HMGCLL1: variants seen among roughly 807,000 people sequenced by gnomAD.
The protein encoded by HMGCLL1 is 3-hydroxy-3-methylglutaryl-CoA lyase like 1.
HMGCLL1 carries 36 observed loss-of-function variants against 39.1 expected under a neutral mutation model. That is an observed-to-expected ratio of 0.92 (90% CI 0.71 to 1.22). HMGCLL1 has a LOEUF of 1.22. Among genes scored for constraint, HMGCLL1 ranks in the 50% most tolerant of loss-of-function variants. The pLI is 0.00. For missense variants in HMGCLL1, 451 were observed against 416.5 expected (o/e 1.08, Z -0.72); for synonymous variants, 149 against 144.0 (o/e 1.03, Z -0.25).
chr6:55,646,361 T>C, the HMGCLL1 span, among the ~76,000 whole-genome samples: 4 of 151,776 alleles, frequency 2.6e-5, no homozygotes, highest in African/African-American at 9.7e-5. Context: ...ATTAATCTTT[T>C]ATATTGTTTT....
At chr6:55,459,491 G>A (rs182968776) in intron 7 of HMGCLL1, among the ~76,000 whole-genome samples, 41 of 152,024 alleles carry the variant, frequency 2.7e-4, no homozygotes, top group Admixed American at 1.8e-3. Flanking sequence ...TATAAATAAC[G>A]TCAATGACAG....
chr6:55,548,011 C>T (rs983453065), intron 1 of HMGCLL1, among the ~76,000 whole-genome samples: 51 of 151,934 alleles, frequency 3.4e-4, no homozygotes, highest in African/African-American at 1.2e-3. Context: ...TTTCAGAATA[C>T]CTATGTGCCA....
chr6:55,664,661 G>A, the HMGCLL1 span, among the ~76,000 whole-genome samples: 32 of 151,696 alleles, frequency 2.1e-4, no homozygotes, highest in East Asian at 2.1e-3. Flanking sequence ...AACAATTTCC[G>A]TGGGTCAGGA....
chr6:55,659,907 T>C, the HMGCLL1 span, among the ~76,000 whole-genome samples: 496 of 151,974 alleles, frequency 3.3e-3, 5 homozygotes, highest in Middle Eastern at 0.01. Flanking sequence ...TTTGGACATA[T>C]CATGCTCTGA....
At chr6:55,475,559 C>T (rs1765247763) in intron 7 of HMGCLL1, among the ~76,000 whole-genome samples, 1 of 151,578 alleles carries the variant, frequency 6.6e-6, no homozygotes, top group South Asian at 2.1e-4. Context: ...CAAGCTTGTC[C>T]ATGCCGTAAA....
rs544253645 is a variant in HMGCLL1, at chr6:55,528,030, C to T, written c.298-11427G>A. 2.0e-5 allele frequency among the ~76,000 whole-genome samples: 3 copies of T among 152,036 alleles called. No homozygotes were observed. In the South Asian group the frequency reaches 6.2e-4, roughly 32 times the overall value. On this transcript the variant is annotated intron_variant, in intron 3 of 8. Transcript: ENST00000274901. ...CATGGACCTATAAGCCCTCATTTTT[C>T]CTTTTCACTAATATAGATTGCTAAA... is the stretch of plus-strand genomic sequence containing the variant.
chr6:55,562,343 T>C (rs747792276), intron 1 of HMGCLL1, among the ~76,000 whole-genome samples: 2 of 152,176 alleles, frequency 1.3e-5, no homozygotes, highest in African/African-American at 4.8e-5. Context: ...TATCCTTCTT[T>C]AAGTTTCCAG....
chr6:55,582,763 G>GA (rs1299474844), upstream of HMGCLL1, among the ~76,000 whole-genome samples: 11 of 152,112 alleles, frequency 7.2e-5, no homozygotes, highest in Admixed American at 2.6e-4. Context: ...ATTTCAGAGA[G>GA]AAAAAATTAA....
chr6:55,446,992 T>C lies in HMGCLL1; in HGVS notation c.796-7433A>G, dbSNP rs141879320. On this transcript the variant is annotated intron_variant, in intron 7 of 8. Transcript: ENST00000274901. ...TAAAATTTCTGAAAGTGAAAATTAT[T>C]CATTTTAACATGAATATTCATATAG... Among the ~76,000 whole-genome samples the C allele has an allele frequency of 4.0e-3, 601 of 152,116 alleles. 6 individuals carry two copies. The highest frequency in any genetic ancestry group is 0.012 in the African/African-American group (489 of 41,540).
At chr6:55,625,868 G>A in the HMGCLL1 span, among the ~76,000 whole-genome samples, 15 of 152,242 alleles carry the variant, frequency 9.9e-5, no homozygotes, top group South Asian at 2.1e-4. Flanking sequence ...TGACATTAGC[G>A]AAGGAAGAGT....
chr6:55,628,156 T>TATATATAGTATATATACTATATATA, the HMGCLL1 span, among the ~76,000 whole-genome samples: 1 of 17,464 alleles, frequency 5.7e-5, no homozygotes, highest in Non-Finnish European at 9.5e-5. Context: ...ATATATATAA[T>TATATATAGTATATATACTATATATA]ATATATATAG....
intron 1 of HMGCLL1, among the ~76,000 whole-genome samples, chr6:55,564,418 T>C (rs1292555772): frequency 1.3e-5 from 2 of 152,126 alleles, no homozygotes; most frequent in Non-Finnish European, 2.9e-5. Context: ...TACTTTAAGT[T>C]TTAGGGTACA....
At chr6:55,456,246 C>T (rs78463956) in intron 7 of HMGCLL1, among the ~76,000 whole-genome samples, 3,453 of 152,290 alleles carry the variant, frequency 0.023, 71 homozygotes, top group Admixed American at 0.036. Flanking sequence ...CTGCCAAGTA[C>T]CACTAGGCTT....
At chr6:55,458,674 C>T (rs888069428) in intron 7 of HMGCLL1, among the ~76,000 whole-genome samples, 3 of 152,092 alleles carry the variant, frequency 2.0e-5, no homozygotes, top group South Asian at 2.1e-4. Context: ...GTAGCAGGGC[C>T]GTGTCTTATG....
the HMGCLL1 span, among the ~76,000 whole-genome samples, chr6:55,620,626 TACACACACAC>T: frequency 6.7e-6 from 1 of 149,316 alleles, no homozygotes; most frequent in Non-Finnish European, 1.5e-5. Flanking sequence ...TTTGGGGTGT[TACACACACAC>T]ACACACACAG....
the HMGCLL1 span, among the ~76,000 whole-genome samples, chr6:55,588,963 A>T: frequency 2.7e-5 from 4 of 146,066 alleles, no homozygotes; most frequent in African/African-American, 1.0e-4. Flanking sequence ...TCACAGCCGA[A>T]TTCTACCACA....
the HMGCLL1 span, among the ~76,000 whole-genome samples, chr6:55,587,441 C>G: frequency 6.6e-6 from 1 of 150,858 alleles, no homozygotes; most frequent in African/African-American, 2.4e-5. Context: ...AACGAACAAC[C>G]GGAAAATATG....
the HMGCLL1 span, among the ~76,000 whole-genome samples, chr6:55,616,155 A>G: frequency 1.3e-3 from 194 of 152,174 alleles, 1 homozygote; most frequent in Non-Finnish European, 2.5e-3. Context: ...TCTTCCCATT[A>G]AGACTTGGGA....
chr6:55,518,471 AC>A (rs1296443979), intron 3 of HMGCLL1, among the ~76,000 whole-genome samples: 3 of 152,080 alleles, frequency 2.0e-5, no homozygotes, highest in African/African-American at 7.2e-5. Flanking sequence ...AAAGAGGTAA[AC>A]TTTATTTACT....
Sources: gnomAD v4.1 joint callset for allele counts (sites outside exome capture counted in the v4.1 genomes callset) on GRCh38, gnomAD v4.1.1 for gene constraint, MANE v1.5 for transcripts, NCBI Gene and HGNC (gene_info 2026-07-23, HGNC 2026-07-21) for gene names.